CEP128: variants seen among roughly 807,000 people sequenced by gnomAD.
CEP128 encodes centrosomal protein 128kDa.
Under a neutral mutation model 156.7 loss-of-function variants are expected in CEP128, and 132 were observed. That is an observed-to-expected ratio of 0.84 (90% confidence interval 0.73 to 0.97). The LOEUF (loss-of-function observed/expected upper bound fraction) is 0.97. Ranked by LOEUF, CEP128 falls within the 50% of genes least tolerant of loss-of-function variation. CEP128 has a pLI of 0.00. For synonymous variants in CEP128, 469 were observed against 448.9 expected, an observed-to-expected ratio of 1.04 and a Z score of -0.57; for missense variants, 1,252 against 1,281.9, an observed-to-expected ratio of 0.98 and a Z score of 0.36.
At chr14:80,623,462 T>C (rs1202830287) in intron 19 of CEP128, among the ~76,000 whole-genome samples, 1 of 151,424 alleles carries the variant, frequency 6.6e-6, no homozygotes, top group Non-Finnish European at 1.5e-5. Context: ...AGTATAATAA[T>C]AATAAAATAA....
chr14:80,739,117 CA>C (rs1257957904), intron 19 of CEP128, among the ~76,000 whole-genome samples: 1 of 152,204 alleles, frequency 6.6e-6, no homozygotes, highest in East Asian at 1.9e-4. Context: ...TCCTTTTCTC[CA>C]AATACTCATC....
At chr14:80,911,525 A>C (rs1283285820) in intron 4 of CEP128, among the ~76,000 whole-genome samples, 1 of 152,136 alleles carries the variant, frequency 6.6e-6, no homozygotes, top group African/African-American at 2.4e-5. Flanking sequence ...AAACAAATAA[A>C]ATTTTAAAAA....
At chr14:80,764,458 C>T (rs1194385870) in intron 16 of CEP128, among the ~76,000 whole-genome samples, 2 of 151,166 alleles carry the variant, frequency 1.3e-5, no homozygotes, top group African/African-American at 4.9e-5. Context: ...GAGATTGCGC[C>T]ACTGCAGTCC....
chr14:80,664,099 C>T (rs979691053), intron 19 of CEP128, among the ~76,000 whole-genome samples: 1 of 152,168 alleles, frequency 6.6e-6, no homozygotes, highest in Non-Finnish European at 1.5e-5. Context: ...GCTCATTTGC[C>T]ACCTCACATT....
chr14:80,899,622 C>T (rs1342287244), intron 7 of CEP128, among the ~76,000 whole-genome samples: 1 of 152,132 alleles, frequency 6.6e-6, no homozygotes, highest in African/African-American at 2.4e-5. Flanking sequence ...GGTAGCGAGT[C>T]GGTCTTTGTG....
intron 8 of CEP128, among the ~76,000 whole-genome samples, chr14:80,878,750 G>A (rs1224412997): frequency 2.0e-5 from 3 of 152,200 alleles, no homozygotes; most frequent in Admixed American, 2.0e-4. Context: ...ACAAACCTTA[G>A]CTTACTGGAA....
chr14:80,924,634 C>T (rs2139550760), intron 2 of CEP128, among the ~76,000 whole-genome samples: 1 of 151,920 alleles, frequency 6.6e-6, no homozygotes, highest in Non-Finnish European at 1.5e-5. Flanking sequence ...TAAAACCTGT[C>T]TAGAGAAAAG....
intron 2 of CEP128, among the ~76,000 whole-genome samples, chr14:80,931,881 A>G (rs1270672448): frequency 6.6e-6 from 1 of 152,208 alleles, no homozygotes; most frequent in Non-Finnish European, 1.5e-5. Context: ...CATCTATCTC[A>G]GCTTTCAAAG....
intron 24 of CEP128, among the ~76,000 whole-genome samples, 180 bp from the exon 25 acceptor site, chr14:80,497,762 T>TA (rs1156838220): frequency 2.6e-5 from 4 of 151,972 alleles, no homozygotes; most frequent in African/African-American, 4.8e-5. Context: ...TTATGACATT[T>TA]AAAAAAAACA....
Position 80,904,900 on chromosome 14 carries a change from G to A in CEP128, c.393C>T (p.Leu131=). 1.2e-6 allele frequency: 2 copies of A among 1,609,938 alleles called. No homozygotes were observed. The highest frequency in any genetic ancestry group is 1.1e-5 in the South Asian group (1 of 90,980). ...TACCCTGTGGATCCCCATAGTCCTT[G>A]AGAGGTGAGGTAGGTGGAAAATGAT... ...ELHHFPPTSP[L]KDYGDPQGIK... Residue 131 remains leucine, a synonymous_variant, in exon 6 of 25, where the codon CTC becomes CTT. Coordinates refer to ENST00000555265, the MANE Select transcript of CEP128 (RefSeq NM_152446.5).
intron 17 of CEP128, among the ~76,000 whole-genome samples, chr14:80,760,855 G>A (rs910032680): frequency 6.6e-6 from 1 of 152,062 alleles, no homozygotes; most frequent in Non-Finnish European, 1.5e-5. Flanking sequence ...GTTTAAACAG[G>A]GAAGGCGGAT....
At chr14:80,907,673 A>C (rs919537423) in intron 4 of CEP128, among the ~76,000 whole-genome samples, 5 of 151,744 alleles carry the variant, frequency 3.3e-5, no homozygotes, top group African/African-American at 1.2e-4. Flanking sequence ...AAAAAAAAAA[A>C]AAAAAACCTC....
At chr14:80,721,758 A>G (rs1392776807) in intron 19 of CEP128, among the ~76,000 whole-genome samples, 1 of 152,234 alleles carries the variant, frequency 6.6e-6, no homozygotes, top group Non-Finnish European at 1.5e-5. Context: ...AAATAAATAA[A>G]CAGGTGAATT....
intron 13 of CEP128, among the ~76,000 whole-genome samples, chr14:80,796,821 T>C (rs1468611829): frequency 6.6e-6 from 1 of 152,144 alleles, no homozygotes; most frequent in East Asian, 1.9e-4. Flanking sequence ...CATAACTTTC[T>C]ACACTTAGAA....
intron 8 of CEP128, chr14:80,894,496 C>G (rs1164511721): frequency 4.9e-6 from 2 of 406,884 alleles, no homozygotes; most frequent in African/African-American, 4.3e-5. Flanking sequence ...TAGACTGGTA[C>G]AATGTAAATT....
chr14:80,762,306 T>C (rs527992581), intron 16 of CEP128, among the ~76,000 whole-genome samples: 1 of 152,238 alleles, frequency 6.6e-6, no homozygotes, highest in African/African-American at 2.4e-5. Flanking sequence ...AAATTCCAAA[T>C]GCATAGGGCT....
intron 2 of CEP128, among the ~76,000 whole-genome samples, chr14:80,927,769 T>C (rs984232588): frequency 6.6e-6 from 1 of 152,202 alleles, no homozygotes; most frequent in African/African-American, 2.4e-5. Flanking sequence ...ACTGCTTTAG[T>C]TGTAGCTGTT....
intron 13 of CEP128, among the ~76,000 whole-genome samples, chr14:80,805,929 A>G (rs1169256297): frequency 6.6e-6 from 1 of 152,198 alleles, no homozygotes; most frequent in Non-Finnish European, 1.5e-5. Context: ...ATTTTAGTCA[A>G]TTCTTTTCAA....
chr14:80,950,154 G>A (rs998908820), intron 2 of CEP128, among the ~76,000 whole-genome samples: 1 of 152,092 alleles, frequency 6.6e-6, no homozygotes, highest in Non-Finnish European at 1.5e-5. Flanking sequence ...AGGAGAGATT[G>A]CAGTGATATA....
Sources: allele counts gnomAD v4.1 joint callset (sites outside exome capture counted in the v4.1 genomes callset), GRCh38; gene constraint gnomAD v4.1.1; transcripts MANE v1.5; gene names NCBI Gene and HGNC (gene_info 2026-07-23, HGNC 2026-07-21).